GPHN: variants seen among roughly 807,000 people sequenced by gnomAD.
The protein encoded by GPHN is gephyrin.
In GPHN, 17 loss-of-function variants were observed where a neutral mutation model predicts 95.5. That is an observed-to-expected ratio of 0.18 (90% CI 0.12 to 0.27). The LOEUF is 0.27. Ranked by LOEUF, GPHN falls within the 10% of genes least tolerant of loss-of-function variation. The probability of loss-of-function intolerance (pLI) is 1.00; values close to 1 mark genes in which losing one functional copy is unlikely to be tolerated. For synonymous variants in GPHN, 320 were observed against 322.5 expected (o/e 0.99, Z 0.08); for missense variants, 660 against 978.1 (o/e 0.67, Z 4.34).
the GPHN span, chr14:67,383,703 T>C: frequency 2.5e-6 from 1 of 395,248 alleles, no homozygotes; most frequent in Non-Finnish European, 4.7e-6. Context: ...AGTTCTAAAA[T>C]TGGGCTTGTG....
chr14:66,971,617 T>C (rs1353075497), intron 9 of GPHN, among the ~76,000 whole-genome samples: 2 of 152,258 alleles, frequency 1.3e-5, no homozygotes, highest in Admixed American at 6.5e-5. Context: ...TTTTTTATAA[T>C]TGTGGATGTT....
the GPHN span, chr14:67,574,140 G>A: frequency 4.7e-6 from 5 of 1,068,044 alleles, no homozygotes; most frequent in Non-Finnish European, 6.7e-6. The surrounding 1 kb of genome is among the most constrained non-coding windows in gnomAD (Gnocchi z 4.2). Context: ...CAGGCAGAAG[G>A]CCAGCCCCTT....
chr14:66,599,098 A>AT (rs995251807), intron 1 of GPHN, among the ~76,000 whole-genome samples: 4 of 151,918 alleles, frequency 2.6e-5, no homozygotes, highest in African/African-American at 9.7e-5. Flanking sequence ...AATTTTATGC[A>AT]TTTTTTTCCA....
chr14:67,170,476 A>C (rs1001225585), intron 21 of GPHN, among the ~76,000 whole-genome samples: 1 of 152,216 alleles, frequency 6.6e-6, no homozygotes, highest in Non-Finnish European at 1.5e-5. Context: ...GAGAGAAAGA[A>C]GGCTTCCCTT....
chr14:67,353,787 G>C, the GPHN span: 2 of 152,178 alleles, frequency 1.3e-5, no homozygotes, highest in East Asian at 3.9e-4. Context: ...CACCATGCCC[G>C]GCCCGACTCC....
chr14:66,797,962 G>A (rs1472445369), intron 3 of GPHN, among the ~76,000 whole-genome samples: 1 of 151,862 alleles, frequency 6.6e-6, no homozygotes, highest in African/African-American at 2.4e-5. Flanking sequence ...CTGTGGGTCT[G>A]TCATGCATGG....
chr14:67,104,738 T>C (rs2077940929), intron 13 of GPHN, among the ~76,000 whole-genome samples: 2 of 152,150 alleles, frequency 1.3e-5, no homozygotes, highest in Admixed American at 1.3e-4. Context: ...TATTTGGGTC[T>C]TTTTTTATTA....
intron 8 of GPHN, among the ~76,000 whole-genome samples, chr14:66,932,109 G>A (rs1454331703): frequency 6.6e-6 from 1 of 152,168 alleles, no homozygotes; most frequent in Non-Finnish European, 1.5e-5. Flanking sequence ...GTCTTGCAGA[G>A]GTACTCTGAC....
intron 1 of GPHN, among the ~76,000 whole-genome samples, chr14:66,655,341 C>G (rs1447336704): frequency 6.6e-6 from 1 of 152,108 alleles, no homozygotes; most frequent in African/African-American, 2.4e-5. Flanking sequence ...AGATGTACAC[C>G]TACCTATTTC....
At chr14:66,998,454 A>AT (rs1263947267) in intron 9 of GPHN, among the ~76,000 whole-genome samples, 1 of 152,146 alleles carries the variant, frequency 6.6e-6, no homozygotes, top group East Asian at 1.9e-4. Flanking sequence ...ATTGGTAAAT[A>AT]TTTCACAGAA....
At chr14:67,542,645 T>C in the GPHN span, among the ~76,000 whole-genome samples, 2 of 152,244 alleles carry the variant, frequency 1.3e-5, no homozygotes, top group African/African-American at 4.8e-5. Flanking sequence ...ACTGACCACC[T>C]TTCCTAATGT....
intron 1 of GPHN, among the ~76,000 whole-genome samples, chr14:66,625,410 T>G (rs1172443612): frequency 1.3e-5 from 2 of 152,164 alleles, no homozygotes; most frequent in Non-Finnish European, 2.9e-5. Context: ...ATATATTATT[T>G]ACTTGATCAG....
chr14:67,584,528 A>G, the GPHN span, among the ~76,000 whole-genome samples: 3 of 152,256 alleles, frequency 2.0e-5, no homozygotes, highest in Non-Finnish European at 2.9e-5. Flanking sequence ...CCTCTGTATG[A>G]AGGCCAGGTG....
At chr14:67,559,946 T>C in the GPHN span, among the ~76,000 whole-genome samples, 1 of 152,218 alleles carries the variant, frequency 6.6e-6, no homozygotes, top group Non-Finnish European at 1.5e-5. Flanking sequence ...GTGTCTCACT[T>C]CTGAAAAGCC....
At chr14:67,577,429 C>A in the GPHN span, 6 of 1,478,330 alleles carry the variant, frequency 4.1e-6, no homozygotes, top group Non-Finnish European at 4.6e-6. Flanking sequence ...ATTGGGGTGG[C>A]GGCCAGGCCC....
chr14:67,050,646 G>A (rs559124524), intron 10 of GPHN, among the ~76,000 whole-genome samples: 2 of 152,180 alleles, frequency 1.3e-5, no homozygotes, highest in African/African-American at 4.8e-5. Context: ...TAACCATACT[G>A]CAATTTCCAA....
At chr14:67,521,098 C>G in the GPHN span, among the ~76,000 whole-genome samples, 1 of 152,156 alleles carries the variant, frequency 6.6e-6, no homozygotes. Context: ...AAGAAAGCAG[C>G]AAGAGGCTCT....
chr14:66,556,425 T>C (rs1271744650), intron 1 of GPHN, among the ~76,000 whole-genome samples: 1 of 152,220 alleles, frequency 6.6e-6, no homozygotes, highest in African/African-American at 2.4e-5. Context: ...TTAATGGTTT[T>C]TCCATCCAGT....
intron 9 of GPHN, among the ~76,000 whole-genome samples, chr14:67,017,742 A>G (rs117261579): frequency 0.012 from 1,830 of 152,158 alleles, 19 homozygotes; most frequent in Non-Finnish European, 0.018. Flanking sequence ...AGTAATATTA[A>G]TTTCTAAATT....
Sources: allele counts gnomAD v4.1 joint callset (sites outside exome capture counted in the v4.1 genomes callset), GRCh38; gene constraint gnomAD v4.1.1; non-coding constraint Gnocchi (gnomAD v3.1); transcripts MANE v1.5; gene names NCBI Gene and HGNC (gene_info 2026-07-23, HGNC 2026-07-21).